Variants in GPC6 observed in about 807,000 individuals in gnomAD.
The protein encoded by GPC6 is glypican 6.
GPC6 carries 14 observed loss-of-function variants against 55.2 expected under a neutral mutation model. The ratio of observed to expected loss-of-function variants is 0.25; its 90% CI spans 0.17 to 0.40. The LOEUF (loss-of-function observed/expected upper bound fraction) is 0.40. GPC6 is among the 10% of genes least tolerant of loss of function. The probability of loss-of-function intolerance (pLI) is 1.00; values close to 1 mark genes in which losing one functional copy is unlikely to be tolerated. For missense variants in GPC6, 641 were observed against 708.5 expected (o/e 0.90, Z 1.08); for synonymous variants, 278 against 259.6 (o/e 1.07, Z -0.68).
intron 4 of GPC6, among the ~76,000 whole-genome samples, chr13:94,139,907 TA>T (rs1887315939): frequency 6.6e-6 from 1 of 152,180 alleles, no homozygotes; most frequent in Non-Finnish European, 1.5e-5. Flanking sequence ...TGACACATAG[TA>T]AGAGCTACTG....
At chr13:93,453,604 G>A (rs1028828572) in intron 1 of GPC6, among the ~76,000 whole-genome samples, 2 of 132,778 alleles carry the variant, frequency 1.5e-5, no homozygotes, top group African/African-American at 2.7e-5. Flanking sequence ...TCTGATGTTC[G>A]GATGTGTTCG....
chr13:93,857,793 A>G (rs142310189), intron 3 of GPC6, among the ~76,000 whole-genome samples: 6 of 151,634 alleles, frequency 4.0e-5, no homozygotes, highest in Middle Eastern at 3.4e-3. Flanking sequence ...TTTTCCAAAT[A>G]GAGAAAATGT....
chr13:93,460,128 T>G (rs905698861), intron 1 of GPC6, among the ~76,000 whole-genome samples: 2 of 152,204 alleles, frequency 1.3e-5, no homozygotes, highest in Non-Finnish European at 2.9e-5. Context: ...CAAAATTCTG[T>G]CTTTGCTTCT....
rs199874798 is a variant in GPC6 at position 94,138,192 on chromosome 13, G to A, written c.877+110298G>A. On this transcript the variant is annotated intron_variant, in intron 4 of 8. Coordinates refer to ENST00000377047, the MANE Select transcript of GPC6 (RefSeq NM_005708.5). ...GGAGCATTTTGGATTTCGGGTTTTCGGATTAGGGATGCTCAACCATTAAGT... is the reference window on the plus strand; with the variant it reads ...GGAGCATTTTGGATTTCGGGTTTTCAGATTAGGGATGCTCAACCATTAAGT... 5.3e-5 allele frequency among the ~76,000 whole-genome samples: 8 copies of A among 152,126 alleles called. No homozygotes were observed. The East Asian group carries it at 9.7e-4, about 18-fold the overall frequency.
At chr13:94,211,257 A>G (rs1890067592) in intron 4 of GPC6, among the ~76,000 whole-genome samples, 1 of 152,194 alleles carries the variant, frequency 6.6e-6, no homozygotes, top group African/African-American at 2.4e-5. Flanking sequence ...GCCTAAAATA[A>G]CAAATGAATC....
chr13:93,840,006 C>T (rs1458501310), intron 3 of GPC6, among the ~76,000 whole-genome samples: 1 of 152,066 alleles, frequency 6.6e-6, no homozygotes, highest in Non-Finnish European at 1.5e-5. Flanking sequence ...AGGGTTCCTT[C>T]TTTCTCTATC....
At chr13:94,205,821 A>T (rs1025533101) in intron 4 of GPC6, among the ~76,000 whole-genome samples, 1 of 152,208 alleles carries the variant, frequency 6.6e-6, no homozygotes, top group African/African-American at 2.4e-5. Flanking sequence ...GATCCTGAAT[A>T]TAAAGAGCTA....
chr13:93,435,395 C>T (rs560124540), intron 1 of GPC6, among the ~76,000 whole-genome samples: 3 of 152,038 alleles, frequency 2.0e-5, no homozygotes, highest in South Asian at 2.1e-4. Flanking sequence ...GTACTACAGT[C>T]GTGAGTCACC....
At chr13:94,390,557 G>A (rs1385872593) in intron 7 of GPC6, among the ~76,000 whole-genome samples, 1 of 152,140 alleles carries the variant, frequency 6.6e-6, no homozygotes, top group African/African-American at 2.4e-5. Context: ...AGGGAAGGGG[G>A]TGGTGCCACA....
chr13:93,714,355 G>C (rs1428879552), intron 2 of GPC6, among the ~76,000 whole-genome samples: 2 of 151,870 alleles, frequency 1.3e-5, no homozygotes, highest in Non-Finnish European at 2.9e-5. Context: ...CTAGTCATCA[G>C]AGTACTGCAC....
intron 2 of GPC6, among the ~76,000 whole-genome samples, chr13:93,618,925 T>A (rs1038497243): frequency 6.6e-6 from 1 of 152,156 alleles, no homozygotes; most frequent in Non-Finnish European, 1.5e-5. Flanking sequence ...ACCTAAATGG[T>A]ATAGCCTACT....
intron 3 of GPC6, among the ~76,000 whole-genome samples, chr13:93,973,502 CA>C (rs146500213): frequency 2.0e-5 from 3 of 151,168 alleles, no homozygotes; most frequent in East Asian, 1.9e-4. Context: ...TTAATTAAGC[CA>C]AAAAAAGGCA....
intron 2 of GPC6, among the ~76,000 whole-genome samples, chr13:93,766,683 T>G (rs1006174090): frequency 6.6e-6 from 1 of 152,150 alleles, no homozygotes; most frequent in Non-Finnish European, 1.5e-5. Flanking sequence ...ATTTTTATCA[T>G]TATTTATCAT....
intron 3 of GPC6, among the ~76,000 whole-genome samples, chr13:93,956,669 A>G (rs962441916): frequency 1.3e-5 from 2 of 152,236 alleles, no homozygotes; most frequent in Non-Finnish European, 2.9e-5. Flanking sequence ...AAATGGAATT[A>G]AAGCCAAAAG....
At chr13:93,828,907 A>C (rs1322435128) in intron 2 of GPC6, among the ~76,000 whole-genome samples, 1 of 152,184 alleles carries the variant, frequency 6.6e-6, no homozygotes, top group Non-Finnish European at 1.5e-5. Context: ...GCCAACTTCT[A>C]AGAATGCACA....
At chr13:94,402,106 A>G (rs1439113180) in intron 8 of GPC6, among the ~76,000 whole-genome samples, 5 of 152,250 alleles carry the variant, frequency 3.3e-5, no homozygotes, top group African/African-American at 1.2e-4. Context: ...TGGCTGGGAC[A>G]GAGTCCAGCC....
intron 1 of GPC6, among the ~76,000 whole-genome samples, chr13:93,366,168 A>C (rs1258225822): frequency 6.6e-6 from 1 of 152,074 alleles, no homozygotes; most frequent in Non-Finnish European, 1.5e-5. Context: ...GTTTTCTTTA[A>C]ATCATTCTTT....
At chr13:93,643,048 T>C (rs1260213088) in intron 2 of GPC6, among the ~76,000 whole-genome samples, 1 of 152,156 alleles carries the variant, frequency 6.6e-6, no homozygotes, top group African/African-American at 2.4e-5. Flanking sequence ...GGTAAGTAGA[T>C]TGGAACTATT....
In GPC6 at chr13:94,191,436, G is replaced by A. The variant is rs138817978; in HGVS notation, c.878-94913G>A. Among the ~76,000 whole-genome samples, 126 of 152,208 alleles carry A rather than the reference G, an allele frequency of 8.3e-4. No homozygotes were observed. In the East Asian group the frequency reaches 0.013, roughly 16 times the overall value. ...TGAGTTGAAGGCATTGGCAAGGTGT[G>A]GAATAAATGTGAATGGGGATAGAAG... On this transcript the variant is annotated intron_variant, in intron 4 of 8. Coordinates refer to ENST00000377047, the MANE Select transcript of GPC6 (RefSeq NM_005708.5).
Sources: gnomAD v4.1 joint callset for allele counts (sites outside exome capture counted in the v4.1 genomes callset) on GRCh38, gnomAD v4.1.1 for gene constraint, MANE v1.5 for transcripts, NCBI Gene and HGNC (gene_info 2026-07-23, HGNC 2026-07-21) for gene names.